Variants in TBL1XR1 observed in about 807,000 individuals in gnomAD.
TBL1XR1 encodes the protein TBL1X/Y related 1.
Under a neutral mutation model 66.9 loss-of-function variants are expected in TBL1XR1, and 5 were observed. That is an observed-to-expected ratio of 0.07 (90% CI 0.04 to 0.16). The LOEUF is 0.16. Ranked by LOEUF, TBL1XR1 falls within the 10% of genes least tolerant of loss-of-function variation. The pLI is 1.00. For missense variants in TBL1XR1, 238 were observed against 623.2 expected, an observed-to-expected ratio of 0.38 and a Z score of 6.58; for synonymous variants, 210 against 206.0, an observed-to-expected ratio of 1.02 and a Z score of -0.17.
chr3:177,032,944 T>C (rs748450161), intron 14 of TBL1XR1, 27 bp downstream of exon 14: 5 of 1,503,042 alleles, frequency 3.3e-6, no homozygotes, highest in African/African-American at 1.4e-5. Context: ...TTAAGAGCAC[T>C]TGACCATTTA....
intron 3 of TBL1XR1, among the ~76,000 whole-genome samples, 155 bp from the exon 4 acceptor site, chr3:177,054,073 T>TGTGCGCGC (rs145838308): frequency 3.2e-5 from 4 of 124,816 alleles, no homozygotes; most frequent in African/African-American, 1.2e-4. Flanking sequence ...TGTGTGTGTG[T>TGTGCGCGC]GCGCGCGCGT....
At chr3:177,192,953 G>C in intron 1 of TBL1XR1, among the ~76,000 whole-genome samples, 1 of 152,032 alleles carries the variant, frequency 6.6e-6, no homozygotes, top group Non-Finnish European at 1.5e-5. Flanking sequence ...AGGAGTTCGA[G>C]ACCAGCCTGG....
chr3:177,090,880 T>C lies in TBL1XR1; in HGVS notation c.-46+7586A>G, dbSNP rs527576435. Among the ~76,000 whole-genome samples, 18 of 152,216 alleles carry C rather than the reference T, an allele frequency of 1.2e-4. 1 individual carries two copies. The East Asian group carries it at 2.9e-3, about 25-fold the overall frequency. ...GCATGCACCTGTGGTCCCAGCTACT[T>C]TGGGAGGCTGAGGTGGGAGAATCGA... On this transcript the variant is annotated intron_variant, in intron 2 of 15. Coordinates refer to ENST00000457928, the MANE Select transcript of TBL1XR1 (RefSeq NM_024665.7).
intron 12 of TBL1XR1, among the ~76,000 whole-genome samples, chr3:177,034,708 G>A (rs1490175054): frequency 1.3e-5 from 2 of 151,554 alleles, no homozygotes; most frequent in Non-Finnish European, 2.9e-5. Flanking sequence ...TTTTACAATG[G>A]AGAACTGAAA....
chr3:177,040,167 T>G (rs1475473276), intron 10 of TBL1XR1, among the ~76,000 whole-genome samples: 1 of 152,036 alleles, frequency 6.6e-6, no homozygotes, highest in Non-Finnish European at 1.5e-5. Context: ...AATAAAAAAT[T>G]AGCCAGGTGT....
intron 1 of TBL1XR1, among the ~76,000 whole-genome samples, chr3:177,113,465 G>T (rs888810267): frequency 6.6e-5 from 10 of 152,224 alleles, no homozygotes; most frequent in Middle Eastern, 3.4e-3. Flanking sequence ...TGCAAATTAT[G>T]TATCTGACAA....
At chr3:177,087,414 T>C (rs1722275959) in intron 2 of TBL1XR1, among the ~76,000 whole-genome samples, 1 of 152,074 alleles carries the variant, frequency 6.6e-6, no homozygotes, top group African/African-American at 2.4e-5. Flanking sequence ...AGGCCTAACA[T>C]ATAGAGGGTT....
intron 1 of TBL1XR1, chr3:177,171,294 C>G (rs183102278): frequency 1.3e-5 from 2 of 151,956 alleles, no homozygotes; most frequent in East Asian, 2.0e-4. Context: ...GAGCTGAGAT[C>G]GCACCATTGC....
chr3:177,046,251 G>GTA lies in TBL1XR1; in HGVS notation c.865-64_865-63dup, dbSNP rs1716312435. The GTA allele has an allele frequency of 7.4e-6, 9 of 1,211,866 alleles. 1 individual carries two copies. In the South Asian group the frequency reaches 1.3e-4, roughly 18 times the overall value. The allele number at this position is 1,211,866 out of a possible 1,614,324, so 75.1% of individuals were successfully genotyped here. A position where few individuals can be genotyped will look rare whatever the true frequency, so the allele number is the denominator to read the frequency against. Reference sequence around the variant, plus strand: ...AAGAAGTTTAACATACATGTGTAAAGTATATGCCTAACTGTATTACAGCAA... The same window carrying GTA: ...AAGAAGTTTAACATACATGTGTAAAGTATATATGCCTAACTGTATTACAGCAA... On this transcript the variant is annotated intron_variant, in intron 9 of 15. Transcript: ENST00000457928.
intron 2 of TBL1XR1, among the ~76,000 whole-genome samples, chr3:177,086,423 G>A (rs1038238726): frequency 1.3e-5 from 2 of 151,868 alleles, no homozygotes; most frequent in Admixed American, 1.3e-4. Context: ...AACGGTGGGG[G>A]AGGGGAGCCA....
chr3:177,069,850 A>AAGGAAGGG (rs1719732128), intron 2 of TBL1XR1, among the ~76,000 whole-genome samples: 2 of 150,680 alleles, frequency 1.3e-5, no homozygotes, highest in Non-Finnish European at 3.0e-5. Context: ...GGAAGGAAGG[A>AAGGAAGGG]AGGAAAAACA....
At chr3:177,052,413 C>T (rs1038380254) in intron 4 of TBL1XR1, among the ~76,000 whole-genome samples, 19 of 152,294 alleles carry the variant, frequency 1.2e-4, no homozygotes, top group African/African-American at 4.6e-4. Flanking sequence ...GTACCAGTGA[C>T]AATCTACAGT....
chr3:177,098,661 T>C (rs1723806370), intron 1 of TBL1XR1, 120 bp from the exon 2 acceptor site: 12 of 395,148 alleles, frequency 3.0e-5, no homozygotes, highest in Non-Finnish European at 4.1e-5. Context: ...GTGAATTTCT[T>C]TCTCCCCCAA....
chr3:177,027,940 T>C (rs527961943), intron 14 of TBL1XR1: 8 of 152,096 alleles, frequency 5.3e-5, no homozygotes, highest in Non-Finnish European at 1.2e-4. Context: ...AAATAAAATC[T>C]ACAGTCAACC....
chr3:177,189,726 ATACAGCACAGTCT>A (rs902126018), intron 1 of TBL1XR1, among the ~76,000 whole-genome samples: 1 of 151,832 alleles, frequency 6.6e-6, no homozygotes, highest in Non-Finnish European at 1.5e-5. Context: ...GCTGGAACTA[ATACAGCACAGTCT>A]TACCATAAAA....
At chr3:177,157,152 T>G (rs1054837040) in intron 1 of TBL1XR1, among the ~76,000 whole-genome samples, 1 of 152,052 alleles carries the variant, frequency 6.6e-6, no homozygotes, top group Admixed American at 6.6e-5. Flanking sequence ...AAAGCTGGAG[T>G]GAGCTGTGAT....
At chr3:177,115,361 G>T (rs1471217153) in intron 1 of TBL1XR1, among the ~76,000 whole-genome samples, 1 of 152,154 alleles carries the variant, frequency 6.6e-6, no homozygotes, top group Non-Finnish European at 1.5e-5. Flanking sequence ...AAGAGAGACT[G>T]AAATTTTAAA....
intron 2 of TBL1XR1, among the ~76,000 whole-genome samples, chr3:177,092,525 G>A (rs1722964497): frequency 6.6e-6 from 1 of 152,116 alleles, no homozygotes; most frequent in African/African-American, 2.4e-5. Context: ...AACATATTAG[G>A]AGCAGTTCAG....
At chr3:177,166,578 T>G (rs1427424097) in intron 1 of TBL1XR1, among the ~76,000 whole-genome samples, 1 of 152,170 alleles carries the variant, frequency 6.6e-6, no homozygotes, top group African/African-American at 2.4e-5. Context: ...CTACTTCTCT[T>G]CCTTCACACT....
Sources: gnomAD v4.1 joint callset for allele counts (sites outside exome capture counted in the v4.1 genomes callset) on GRCh38, gnomAD v4.1.1 for gene constraint, MANE v1.5 for transcripts, NCBI Gene and HGNC (gene_info 2026-07-23, HGNC 2026-07-21) for gene names.